Variants in GRK5 observed in about 807,000 individuals in gnomAD.
GRK5 encodes g protein-coupled receptor kinase GRK5.
In GRK5, 40 loss-of-function variants were observed where a neutral mutation model predicts 78.4. That is an observed-to-expected ratio of 0.51 (90% confidence interval 0.40 to 0.66). The LOEUF is 0.66. GRK5 is among the 30% of genes least tolerant of loss of function. The pLI is 0.00. For synonymous variants in GRK5, 289 were observed against 296.8 expected, an observed-to-expected ratio of 0.97 and a Z score of 0.27; for missense variants, 598 against 759.9, an observed-to-expected ratio of 0.79 and a Z score of 2.50.
In GRK5 at chr10:119,264,095, C is replaced by T. The variant is rs958114783; in HGVS notation, c.52+56126C>T. On this transcript the variant is annotated intron_variant, in intron 1 of 15. Transcript: ENST00000392870. The surrounding 1 kb of genome is among the most constrained non-coding windows in gnomAD (Gnocchi z 4.1). Reference sequence around the variant, plus strand: ...AGCATGACTTTTCTCAAATGTGATGCTCCTCAAGAGAGTCTATATTTGTTA... The same window carrying T: ...AGCATGACTTTTCTCAAATGTGATGTTCCTCAAGAGAGTCTATATTTGTTA... Among the ~76,000 whole-genome samples, 28 of 152,126 alleles carry T rather than the reference C, an allele frequency of 1.8e-4. No homozygotes were observed. Among genetic ancestry groups the T allele is most frequent in the African/African-American group, 6.8e-4 (28 of 41,414 alleles).
At chr10:119,355,131 A>G (rs1404886315) in intron 2 of GRK5, among the ~76,000 whole-genome samples, 1 of 152,248 alleles carries the variant, frequency 6.6e-6, no homozygotes, top group African/African-American at 2.4e-5. Flanking sequence ...ATGACAAAAA[A>G]ATACAAAGTC....
chr10:119,335,195 CA>C (rs1564895438), intron 2 of GRK5, among the ~76,000 whole-genome samples: 3 of 120,854 alleles, frequency 2.5e-5, no homozygotes, highest in African/African-American at 9.9e-5. Flanking sequence ...CCTCTCCCCC[CA>C]CCTCCTCTTT....
chr10:119,351,291 G>T (rs181042296), intron 2 of GRK5, among the ~76,000 whole-genome samples: 151 of 152,254 alleles, frequency 9.9e-4, no homozygotes, highest in African/African-American at 3.6e-3. Flanking sequence ...CTTTGATATG[G>T]TTTGGCTCTG....
intron 1 of GRK5, among the ~76,000 whole-genome samples, chr10:119,230,244 G>C (rs74723086): frequency 0.02 from 3,117 of 152,262 alleles, 76 homozygotes; most frequent in South Asian, 0.062. Context: ...CTAGCACTTT[G>C]GGAGGCCAAA....
chr10:119,434,671 T>C (rs890102494), intron 8 of GRK5, among the ~76,000 whole-genome samples: 6 of 152,238 alleles, frequency 3.9e-5, no homozygotes, highest in Middle Eastern at 3.2e-3. Context: ...GCTGCTTTCA[T>C]GGGCTGGCAT....
intron 1 of GRK5, among the ~76,000 whole-genome samples, chr10:119,275,813 A>C (rs1849661318): frequency 6.6e-6 from 1 of 152,298 alleles, no homozygotes; most frequent in Middle Eastern, 3.4e-3. Flanking sequence ...AGGGCTGAGC[A>C]TGTGTAAAAA....
In GRK5 at chr10:119,437,009, C is replaced by T. The variant is rs1160428616; in HGVS notation, c.929+168C>T. 3.3e-5 allele frequency among the ~76,000 whole-genome samples: 5 copies of T among 152,304 alleles called. No individual in the cohort carries two copies. The South Asian group carries it at 6.2e-4, about 19-fold the overall frequency. On this transcript the variant is annotated intron_variant, in intron 9 of 15. Transcript: ENST00000392870. ...TTCCACTCCAGGAAGCTGGGGCCTC[C>T]GGCACTGAGGAAGCGAGGTGGGCCA...
chr10:119,222,771 G>A (rs1848675862), intron 1 of GRK5, among the ~76,000 whole-genome samples: 1 of 152,268 alleles, frequency 6.6e-6, no homozygotes, highest in South Asian at 2.1e-4. Context: ...TTCACTGCGT[G>A]CTGAGGCTAC....
intron 1 of GRK5, among the ~76,000 whole-genome samples, chr10:119,265,572 C>T (rs1319410863): frequency 6.6e-6 from 1 of 152,164 alleles, no homozygotes; most frequent in African/African-American, 2.4e-5. Context: ...ACCAAATGGG[C>T]CAGCACCTAG....
intron 8 of GRK5, among the ~76,000 whole-genome samples, chr10:119,435,591 G>A (rs1852904422): frequency 6.6e-6 from 1 of 152,216 alleles, no homozygotes; most frequent in Admixed American, 6.5e-5. Flanking sequence ...GACCACCTCA[G>A]CCTGGACTTT....
intron 1 of GRK5, among the ~76,000 whole-genome samples, chr10:119,221,131 G>C (rs912568114): frequency 4.6e-5 from 7 of 152,044 alleles, no homozygotes; most frequent in African/African-American, 1.7e-4. Flanking sequence ...ACTCCAGCCT[G>C]AGGGACAAAG....
intron 2 of GRK5, among the ~76,000 whole-genome samples, chr10:119,350,067 C>A (rs1306725203): frequency 3.3e-5 from 5 of 152,240 alleles, no homozygotes; most frequent in African/African-American, 1.2e-4. Flanking sequence ...CAGGTGTGAC[C>A]AGCTCATGGC....
chr10:119,317,897 G>T (rs937187462), intron 1 of GRK5, among the ~76,000 whole-genome samples: 2 of 151,962 alleles, frequency 1.3e-5, no homozygotes, highest in Non-Finnish European at 2.9e-5. Context: ...TACAGCAGTG[G>T]TTCTCAAAGT....
intron 2 of GRK5, among the ~76,000 whole-genome samples, chr10:119,350,904 A>C (rs1015891030): frequency 6.6e-6 from 1 of 152,238 alleles, no homozygotes; most frequent in African/African-American, 2.4e-5. Flanking sequence ...CCTGCTGTCC[A>C]GGTCTCTGAT....
chr10:119,216,656 AAAAT>A (rs1258038635), intron 1 of GRK5, among the ~76,000 whole-genome samples: 2 of 152,192 alleles, frequency 1.3e-5, no homozygotes, highest in Admixed American at 6.5e-5. Context: ...CAAAAAATAA[AAAAT>A]AAATAAAAAT....
At position 119,271,881 on chromosome 10, in the gene GRK5, G is replaced by A. The variant is rs1004104710; in HGVS notation, c.53-54635G>A. ...GACAGCACTAACCTCGTAGGTACTC[G>A]GGAGGCTGAAGGAGTTCATCTGTGG... On this transcript the variant is annotated intron_variant, in intron 1 of 15. Transcript: ENST00000392870. The surrounding 1 kb of genome is among the most constrained non-coding windows in gnomAD (Gnocchi z 4.1). Among the ~76,000 whole-genome samples the A allele has an allele frequency of 6.6e-6, 1 of 152,170 alleles. No homozygotes were observed. Among genetic ancestry groups the A allele is most frequent in the Non-Finnish European group, 1.5e-5 (1 of 68,032 alleles).
chr10:119,277,206 A>C (rs560626071), intron 1 of GRK5, among the ~76,000 whole-genome samples: 2 of 152,080 alleles, frequency 1.3e-5, no homozygotes. Flanking sequence ...GGGTGCCGAC[A>C]CCTTGATCAT....
At chr10:119,275,052 C>A (rs189496694) in intron 1 of GRK5, among the ~76,000 whole-genome samples, 177 of 152,304 alleles carry the variant, frequency 1.2e-3, no homozygotes, top group African/African-American at 4.2e-3. Flanking sequence ...ATAGACCCAG[C>A]CTCTCTGGGT....
intron 9 of GRK5, among the ~76,000 whole-genome samples, chr10:119,437,318 C>T (rs753912735): frequency 5.3e-5 from 8 of 152,086 alleles, no homozygotes; most frequent in Non-Finnish European, 1.0e-4. Context: ...GTCTTCACCC[C>T]CTCTCCCCAC....
Sources: gnomAD v4.1 joint callset for allele counts (sites outside exome capture counted in the v4.1 genomes callset) on GRCh38, gnomAD v4.1.1 for gene constraint, Gnocchi (gnomAD v3.1) non-coding constraint, MANE v1.5 for transcripts, NCBI Gene and HGNC (gene_info 2026-07-23, HGNC 2026-07-21) for gene names.